The following LYPD6 variants were observed in gnomAD, a reference collection of about 807,000 sequenced individuals.
The protein encoded by LYPD6 is ly6/PLAUR domain-containing protein 6.
LYPD6 carries 15 observed loss-of-function variants against 22.7 expected under a neutral mutation model. The observed-to-expected ratio is 0.66, with a 90% CI of 0.44 to 1.02. The LOEUF (loss-of-function observed/expected upper bound fraction) is 1.02. Ranked by LOEUF, LYPD6 falls within the 50% of genes least tolerant of loss-of-function variation. LYPD6 has a pLI of 0.00. For synonymous variants in LYPD6, 72 were observed against 77.5 expected (o/e 0.93, Z 0.37); for missense variants, 189 against 208.4 (o/e 0.91, Z 0.57).
In LYPD6 at chr2:149,446,466, A is replaced by G. The variant is rs1345860085; in HGVS notation, c.119-2583A>G. ...GCCCTTACCAAAATAGAACCTTTCA[A>G]TTCAAATGTAACCCATTTTTCTATA... On this transcript the variant is annotated intron_variant, in intron 2 of 4. Coordinates refer to ENST00000334166, the MANE Select transcript of LYPD6 (RefSeq NM_194317.5). 9.1e-4 allele frequency among the ~76,000 whole-genome samples: 139 copies of G among 152,224 alleles called. 1 individual carries two copies. Among genetic ancestry groups the G allele is most frequent in the Non-Finnish European group, 1.5e-5 (1 of 68,042 alleles).
rs1320109499 is a variant in LYPD6, at chr2:149,471,152, A to T, written c.*302A>T. ...CGAGATCTGGGGTTCTTAATTTGGA[A>T]GAATACATGCATGAGATGCAGTAGG... On this transcript the variant is annotated 3_prime_UTR_variant, in exon 5 of 5. Coordinates refer to ENST00000334166, the MANE Select transcript of LYPD6 (RefSeq NM_194317.5). 1 of 243,052 alleles carries T rather than the reference A, an allele frequency of 4.1e-6. No homozygotes were observed. Among genetic ancestry groups the T allele is most frequent in the Non-Finnish European group, 8.0e-6 (1 of 124,326 alleles). 15.1% of individuals were successfully genotyped at this position (243,052 alleles called of 1,614,324 possible).
intron 1 of LYPD6, 116 bp from the exon 2 acceptor site, chr2:149,437,522 C>T (rs1045594407): frequency 1.3e-6 from 1 of 757,742 alleles, no homozygotes; most frequent in Non-Finnish European, 2.1e-6. Context: ...TCCATGTCTA[C>T]CCACTTCCTT....
intron 1 of LYPD6, among the ~76,000 whole-genome samples, chr2:149,413,269 TG>T (rs1219096125): frequency 2.0e-5 from 3 of 152,092 alleles, no homozygotes; most frequent in Non-Finnish European, 4.4e-5. Context: ...GAGACTAAGA[TG>T]GGGGAAAGAG....
chr2:149,343,557 A>C (rs1459986220), intron 1 of LYPD6, among the ~76,000 whole-genome samples: 4 of 152,216 alleles, frequency 2.6e-5, no homozygotes, highest in African/African-American at 9.6e-5. Context: ...TAATGAATGA[A>C]TCTAAGCTGG....
At chr2:149,392,661 C>T (rs924237203) in intron 1 of LYPD6, among the ~76,000 whole-genome samples, 2 of 152,090 alleles carry the variant, frequency 1.3e-5, no homozygotes, top group Admixed American at 1.3e-4. Flanking sequence ...TATATTAGGT[C>T]CAAATTTGAC....
At chr2:149,455,830 T>C (rs1257344008) in intron 3 of LYPD6, among the ~76,000 whole-genome samples, 2 of 152,186 alleles carry the variant, frequency 1.3e-5, no homozygotes, top group Non-Finnish European at 2.9e-5. Context: ...CATTGCCTTC[T>C]GAATTTCAGT....
chr2:149,435,142 C>T (rs1683401945), intron 1 of LYPD6, among the ~76,000 whole-genome samples: 1 of 152,166 alleles, frequency 6.6e-6, no homozygotes, highest in African/African-American at 2.4e-5. Context: ...TAGGGCAAAG[C>T]CATCAGCAAG....
chr2:149,434,483 C>T (rs1683387494), intron 1 of LYPD6, among the ~76,000 whole-genome samples: 1 of 152,140 alleles, frequency 6.6e-6, no homozygotes, highest in Non-Finnish European at 1.5e-5. Context: ...CCCATCTGCT[C>T]ATATTTTTGG....
At chr2:149,428,740 A>G (rs887250155) in intron 1 of LYPD6, among the ~76,000 whole-genome samples, 2 of 152,224 alleles carry the variant, frequency 1.3e-5, no homozygotes, top group African/African-American at 4.8e-5. Context: ...AGAAGGGGGA[A>G]GTATAGAGCA....
intron 1 of LYPD6, among the ~76,000 whole-genome samples, chr2:149,429,185 G>T (rs1372885760): frequency 6.6e-6 from 1 of 152,178 alleles, no homozygotes; most frequent in Non-Finnish European, 1.5e-5. Flanking sequence ...CCCTGGGCAA[G>T]TGGAATGGCA....
intron 1 of LYPD6, among the ~76,000 whole-genome samples, chr2:149,350,038 C>T (rs1466145851): frequency 1.3e-5 from 2 of 152,118 alleles, no homozygotes; most frequent in African/African-American, 2.4e-5. Context: ...AGTATTTTAA[C>T]GCTTTCCCAG....
intron 1 of LYPD6, among the ~76,000 whole-genome samples, chr2:149,331,628 T>C (rs911300425): frequency 5.3e-5 from 8 of 151,158 alleles, no homozygotes; most frequent in Non-Finnish European, 8.8e-5. Context: ...TATAATGGGA[T>C]CGGGGGAGAG....
At chr2:149,478,377 G>GGTGTGTGTGT (rs55853638), downstream of LYPD6, among the ~76,000 whole-genome samples, 1,966 of 99,328 alleles carry the variant, frequency 0.02, 46 homozygotes, top group African/African-American at 0.046. Context: ...GGTATATAGA[G>GGTGTGTGTGT]GTGTGTGTGT....
chr2:149,387,462 C>T (rs1296152459), intron 1 of LYPD6, among the ~76,000 whole-genome samples: 1 of 152,190 alleles, frequency 6.6e-6, no homozygotes, highest in Non-Finnish European at 1.5e-5. Context: ...GTTAATTTCA[C>T]TGGTTCATTT....
chr2:149,367,418 C>G (rs944319525), intron 1 of LYPD6, among the ~76,000 whole-genome samples: 18 of 152,256 alleles, frequency 1.2e-4, no homozygotes, highest in African/African-American at 4.3e-4. Flanking sequence ...AAGAGATAGT[C>G]TGCTGGAAAG....
intron 2 of LYPD6, among the ~76,000 whole-genome samples, chr2:149,447,840 G>A (rs1009773478): frequency 1.3e-5 from 2 of 152,220 alleles, no homozygotes; most frequent in Non-Finnish European, 2.9e-5. Context: ...GCAATTTTAG[G>A]ACATAGTACA....
rs148754862 is a variant in LYPD6, at chr2:149,427,820, C to A, written c.-71-9818C>A. 3.3e-5 allele frequency among the ~76,000 whole-genome samples: 5 copies of A among 152,288 alleles called. No individual in the cohort carries two copies. In the East Asian group the frequency reaches 9.7e-4, roughly 29 times the overall value. On this transcript the variant is annotated intron_variant, in intron 1 of 4. Transcript: ENST00000334166. ...TAACAATGCATTTCTCAGAGCGTAT[C>A]CTCGTTGTTAAATGATGTATGATTG... is the stretch of plus-strand genomic sequence containing the variant.
At chr2:149,403,267 A>G (rs1682604938) in intron 1 of LYPD6, among the ~76,000 whole-genome samples, 1 of 151,330 alleles carries the variant, frequency 6.6e-6, no homozygotes, top group Non-Finnish European at 1.5e-5. Flanking sequence ...GGCTGGGTCA[A>G]ATGGTATTTC....
intron 1 of LYPD6, among the ~76,000 whole-genome samples, chr2:149,358,573 A>G (rs758401175): frequency 2.0e-5 from 3 of 152,200 alleles, no homozygotes; most frequent in Non-Finnish European, 4.4e-5. Flanking sequence ...GTTTAAATTT[A>G]GAGTCAATGT....
Sources: gnomAD v4.1 joint callset for allele counts (sites outside exome capture counted in the v4.1 genomes callset) on GRCh38, gnomAD v4.1.1 for gene constraint, MANE v1.5 for transcripts, NCBI Gene and HGNC (gene_info 2026-07-23, HGNC 2026-07-21) for gene names.